Variants in NRXN1 observed in about 807,000 individuals in gnomAD.
NRXN1 encodes the protein neurexin-1.
In NRXN1, 39 loss-of-function variants were observed where a neutral mutation model predicts 150.9. The observed-to-expected ratio is 0.26, with a 90% CI of 0.20 to 0.34. The LOEUF (loss-of-function observed/expected upper bound fraction) is 0.34. Among genes scored for constraint, NRXN1 ranks in the 10% least tolerant of loss-of-function variants. The pLI is 1.00. For missense variants in NRXN1, 1,815 were observed against 1,949.9 expected, an observed-to-expected ratio of 0.93 and a Z score of 1.30; for synonymous variants, 924 against 757.0, an observed-to-expected ratio of 1.22 and a Z score of -3.62.
At position 50,347,481 on chromosome 2, in the gene NRXN1, C is replaced by T; in HGVS notation, c.3365-110511G>A. Reference sequence around the variant, plus strand: ...AAGACAGAAGCAGACCCCATGGAATCCAGGCGCCCCTTCCCTCCATTCAGC... The same window carrying T: ...AAGACAGAAGCAGACCCCATGGAATTCAGGCGCCCCTTCCCTCCATTCAGC... On this transcript the variant is annotated intron_variant, in intron 17 of 22. Transcript: ENST00000401669. The surrounding 1 kb of genome is among the most constrained non-coding windows in gnomAD (Gnocchi z 4.9). 1 of 1,067,858 alleles carries T rather than the reference C, an allele frequency of 9.4e-7. No individual in the cohort carries two copies. The allele number at this position is 1,067,858 out of a possible 1,614,324, so 66.1% of individuals were successfully genotyped here.
intron 17 of NRXN1, among the ~76,000 whole-genome samples, chr2:50,333,986 G>C (rs952271627): frequency 2.0e-5 from 3 of 151,818 alleles, no homozygotes; most frequent in African/African-American, 7.3e-5. Context: ...TAACAGTGAG[G>C]ATATTAGGAC....
At chr2:50,318,927 T>C (rs1423761085) in intron 17 of NRXN1, among the ~76,000 whole-genome samples, 4 of 152,128 alleles carry the variant, frequency 2.6e-5, no homozygotes, top group Non-Finnish European at 5.9e-5. Flanking sequence ...TAGACACACA[T>C]GAATTATATA....
chr2:50,288,828 A>C (rs898184752), intron 17 of NRXN1, among the ~76,000 whole-genome samples: 3 of 152,174 alleles, frequency 2.0e-5, no homozygotes, highest in African/African-American at 7.2e-5. Flanking sequence ...GGACAAAGCC[A>C]AACCATATCT....
chr2:50,387,020 A>T (rs1023244379), intron 17 of NRXN1, among the ~76,000 whole-genome samples: 1 of 152,188 alleles, frequency 6.6e-6, no homozygotes, highest in African/African-American at 2.4e-5. Flanking sequence ...TAAAGTTAGC[A>T]TTCCTTGCTT....
intron 2 of NRXN1, among the ~76,000 whole-genome samples, chr2:51,011,667 C>A (rs1464475549): frequency 6.6e-6 from 1 of 151,938 alleles, no homozygotes; most frequent in African/African-American, 2.4e-5. Flanking sequence ...TGGCTTAGAT[C>A]ACAAAGTTTC....
chr2:50,591,077 A>G (rs1674109999), intron 8 of NRXN1, among the ~76,000 whole-genome samples: 1 of 152,212 alleles, frequency 6.6e-6, no homozygotes, highest in South Asian at 2.1e-4. Flanking sequence ...TGCAAAGAAA[A>G]AAGAAAGTGC....
intron 21 of NRXN1, among the ~76,000 whole-genome samples, chr2:49,962,017 A>G (rs1676048877): frequency 6.6e-6 from 1 of 152,114 alleles, no homozygotes; most frequent in South Asian, 2.1e-4. Context: ...CCGAGGCAGG[A>G]GGGTCACTTG....
chr2:50,234,253 G>C (rs1168923128), intron 18 of NRXN1, among the ~76,000 whole-genome samples: 1 of 152,034 alleles, frequency 6.6e-6, no homozygotes, highest in Non-Finnish European at 1.5e-5. Flanking sequence ...CAGTACTTTG[G>C]GAGGCAGAAG....
At chr2:50,897,050 A>G (rs1423489040) in intron 5 of NRXN1, among the ~76,000 whole-genome samples, 1 of 152,146 alleles carries the variant, frequency 6.6e-6, no homozygotes, top group Non-Finnish European at 1.5e-5. Flanking sequence ...AACCATTAAC[A>G]CTGTGCATTT....
chr2:50,033,961 A>G (rs369003060), intron 21 of NRXN1, among the ~76,000 whole-genome samples: 2,794 of 150,784 alleles, frequency 0.019, 38 homozygotes, highest in Non-Finnish European at 0.03. Flanking sequence ...GGCTATTATT[A>G]AAAAGTGGAA....
At chr2:50,402,945 T>C (rs1238152820) in intron 17 of NRXN1, among the ~76,000 whole-genome samples, 1 of 152,122 alleles carries the variant, frequency 6.6e-6, no homozygotes, top group Non-Finnish European at 1.5e-5. Context: ...CAGTAAAGTG[T>C]ACTTAAAATG....
chr2:50,805,624 A>T (rs566623123), intron 5 of NRXN1, among the ~76,000 whole-genome samples: 1 of 151,942 alleles, frequency 6.6e-6, no homozygotes, highest in Non-Finnish European at 1.5e-5. Flanking sequence ...TGGGTGACAG[A>T]GTGAGACTCT....
At chr2:50,192,357 A>T (rs2061497073) in intron 18 of NRXN1, among the ~76,000 whole-genome samples, 1 of 152,190 alleles carries the variant, frequency 6.6e-6, no homozygotes, top group Non-Finnish European at 1.5e-5. Flanking sequence ...TAATTACAAT[A>T]CTTGTCTTCC....
intron 17 of NRXN1, among the ~76,000 whole-genome samples, chr2:50,300,915 C>T (rs2074088859): frequency 6.6e-6 from 1 of 152,034 alleles, no homozygotes; most frequent in African/African-American, 2.4e-5. Flanking sequence ...AGGCTGGTCT[C>T]GAACTCCTGA....
intron 8 of NRXN1, among the ~76,000 whole-genome samples, chr2:50,579,373 G>A (rs930657550): frequency 1.3e-5 from 2 of 152,326 alleles, no homozygotes; most frequent in East Asian, 1.9e-4. Context: ...CTAATTTAGA[G>A]TGTGATGCAG....
chr2:50,650,352 T>C (rs1326043107), intron 5 of NRXN1, among the ~76,000 whole-genome samples: 1 of 152,070 alleles, frequency 6.6e-6, no homozygotes, highest in Non-Finnish European at 1.5e-5. Context: ...ATTGTTTCTG[T>C]GGAGAAGTCA....
intron 5 of NRXN1, among the ~76,000 whole-genome samples, chr2:50,673,560 G>C (rs932750947): frequency 6.6e-6 from 1 of 152,064 alleles, no homozygotes; most frequent in Non-Finnish European, 1.5e-5. Context: ...TAGCAGTGTA[G>C]GAATCATGGC....
At chr2:50,815,669 A>G (rs1015882642) in intron 5 of NRXN1, among the ~76,000 whole-genome samples, 1 of 152,158 alleles carries the variant, frequency 6.6e-6, no homozygotes, top group Admixed American at 6.6e-5. Flanking sequence ...ACTATTTAAA[A>G]ACCAGTATTT....
At chr2:50,620,465 G>C (rs1380473328) in intron 7 of NRXN1, among the ~76,000 whole-genome samples, 1 of 152,066 alleles carries the variant, frequency 6.6e-6, no homozygotes, top group Non-Finnish European at 1.5e-5. Flanking sequence ...CATCCCTACT[G>C]CAACTCAAAA....
Sources: allele counts gnomAD v4.1 joint callset (sites outside exome capture counted in the v4.1 genomes callset), GRCh38; gene constraint gnomAD v4.1.1; non-coding constraint Gnocchi (gnomAD v3.1); transcripts MANE v1.5; gene names NCBI Gene and HGNC (gene_info 2026-07-23, HGNC 2026-07-21).